PCSK5: variants seen among roughly 807,000 people sequenced by gnomAD.
PCSK5 encodes the protein prohormone convertase 5.
Under a neutral mutation model 233.2 loss-of-function variants are expected in PCSK5, and 129 were observed. That is an observed-to-expected ratio of 0.55 (90% CI 0.48 to 0.64). The LOEUF is 0.64. Ranked by LOEUF, PCSK5 falls within the 30% of genes least tolerant of loss-of-function variation. PCSK5 has a pLI of 0.00. For synonymous variants in PCSK5, 825 were observed against 879.2 expected, an observed-to-expected ratio of 0.94 and a Z score of 1.09; for missense variants, 2,076 against 2,430.1, an observed-to-expected ratio of 0.85 and a Z score of 3.06.
At chr9:76,209,878 T>C (rs975499495) in intron 20 of PCSK5, among the ~76,000 whole-genome samples, 6 of 152,158 alleles carry the variant, frequency 3.9e-5, no homozygotes, top group African/African-American at 1.4e-4. Flanking sequence ...TTCAGCTGCA[T>C]AATGATGTGG....
chr9:75,933,746 T>C (rs896843715), intron 2 of PCSK5, among the ~76,000 whole-genome samples: 1 of 152,208 alleles, frequency 6.6e-6, no homozygotes, highest in African/African-American at 2.4e-5. Flanking sequence ...ACACATTTTT[T>C]CCTTTGTCAC....
At chr9:76,237,236 G>A (rs1826278892) in intron 22 of PCSK5, among the ~76,000 whole-genome samples, 2 of 152,194 alleles carry the variant, frequency 1.3e-5, no homozygotes, top group Admixed American at 1.3e-4. Flanking sequence ...GCTCCACAAT[G>A]TTGATCGATA....
chr9:76,245,230 A>C (rs1052474366), intron 24 of PCSK5, among the ~76,000 whole-genome samples: 4 of 152,210 alleles, frequency 2.6e-5, no homozygotes, highest in Non-Finnish European at 5.9e-5. Flanking sequence ...ATAGTGGTTA[A>C]TGTGCCCTTG....
At chr9:76,339,630 C>T (rs1167892288) in intron 35 of PCSK5, among the ~76,000 whole-genome samples, 4 of 152,058 alleles carry the variant, frequency 2.6e-5, no homozygotes, top group Non-Finnish European at 4.4e-5. Context: ...CTGCAACCTC[C>T]GCCTCCCAGG....
chr9:76,179,311 A>T (rs1205284562), intron 14 of PCSK5, among the ~76,000 whole-genome samples: 1 of 152,122 alleles, frequency 6.6e-6, no homozygotes, highest in Non-Finnish European at 1.5e-5. Flanking sequence ...TTGAATTCTC[A>T]AATATTTATC....
chr9:76,100,963 T>C (rs1333849667), intron 8 of PCSK5, among the ~76,000 whole-genome samples: 1 of 152,168 alleles, frequency 6.6e-6, no homozygotes, highest in East Asian at 1.9e-4. Context: ...TATCACTTCA[T>C]TTTTGTCTCC....
intron 24 of PCSK5, among the ~76,000 whole-genome samples, chr9:76,260,893 T>A (rs62564579): frequency 0.085 from 13,005 of 152,296 alleles, 756 homozygotes; most frequent in Admixed American, 0.14. Context: ...GCTCAATAAA[T>A]GTGAGCATTT....
At chr9:75,986,690 T>C (rs537888475) in intron 3 of PCSK5, among the ~76,000 whole-genome samples, 43 of 152,200 alleles carry the variant, frequency 2.8e-4, no homozygotes, top group Non-Finnish European at 5.6e-4. Flanking sequence ...CCCAAAATTA[T>C]GTCATCTGAT....
intron 24 of PCSK5, among the ~76,000 whole-genome samples, chr9:76,280,058 C>T (rs1827819441): frequency 6.6e-6 from 1 of 152,094 alleles, no homozygotes; most frequent in Non-Finnish European, 1.5e-5. Context: ...CCTGTCTCTA[C>T]CACTCCTCCA....
chr9:76,086,222 T>C (rs889440692), intron 7 of PCSK5, among the ~76,000 whole-genome samples: 1 of 152,258 alleles, frequency 6.6e-6, no homozygotes, highest in African/African-American at 2.4e-5. Context: ...ATGGCAATGC[T>C]GGGATGGTGG....
intron 24 of PCSK5, among the ~76,000 whole-genome samples, chr9:76,257,505 G>A (rs1327843004): frequency 6.6e-6 from 1 of 152,166 alleles, no homozygotes; most frequent in Non-Finnish European, 1.5e-5. Context: ...CAACAGGAGG[G>A]TAATTTGGTA....
chr9:76,133,437 TC>T (rs1822842075), intron 9 of PCSK5, among the ~76,000 whole-genome samples: 1 of 152,050 alleles, frequency 6.6e-6, no homozygotes, highest in Non-Finnish European at 1.5e-5. Context: ...TCTTTTGTGT[TC>T]TTCAGTGCTA....
chr9:76,324,267 G>T (rs1829296381), intron 32 of PCSK5, among the ~76,000 whole-genome samples: 1 of 151,862 alleles, frequency 6.6e-6, no homozygotes, highest in Non-Finnish European at 1.5e-5. Flanking sequence ...GTCTCACTCT[G>T]TTGCCCAGGT....
chr9:75,924,577 G>A (rs1457968384), intron 1 of PCSK5, among the ~76,000 whole-genome samples: 2 of 152,064 alleles, frequency 1.3e-5, no homozygotes, highest in Non-Finnish European at 1.5e-5. Flanking sequence ...GTATAACCAG[G>A]TATGAAGGCC....
At chr9:76,184,599 C>T in intron 16 of PCSK5, 74 bp from the exon 17 acceptor site, 1 of 918,068 alleles carries the variant, frequency 1.1e-6, no homozygotes, top group Non-Finnish European at 1.7e-6. Flanking sequence ...CATTAGCAAG[C>T]ATTAGAACAT....
intron 34 of PCSK5, 116 bp from the exon 35 acceptor site, chr9:76,338,114 G>T (rs753325035): frequency 4.2e-5 from 29 of 687,460 alleles, no homozygotes; most frequent in Non-Finnish European, 6.4e-5. Flanking sequence ...AATGAGTAAG[G>T]TAAAGAGGCT....
At chr9:76,301,461 AAAGAG>A (rs1828598045) in intron 27 of PCSK5, among the ~76,000 whole-genome samples, 1 of 152,230 alleles carries the variant, frequency 6.6e-6, no homozygotes, top group Admixed American at 6.5e-5. Context: ...ACGATTTTAA[AAAGAG>A]AAGGGAACAA....
intron 12 of PCSK5, among the ~76,000 whole-genome samples, chr9:76,162,078 A>G (rs1417882014): frequency 1.3e-5 from 2 of 152,128 alleles, no homozygotes; most frequent in Non-Finnish European, 2.9e-5. Context: ...GGAGACCCCA[A>G]GAGATGTAAA....
intron 36 of PCSK5, among the ~76,000 whole-genome samples, chr9:76,352,040 C>A (rs2131525411): frequency 6.6e-6 from 1 of 152,212 alleles, no homozygotes; most frequent in South Asian, 2.1e-4. Flanking sequence ...GAATTCAGGG[C>A]AAATCCATAG....
Sources: allele counts gnomAD v4.1 joint callset (sites outside exome capture counted in the v4.1 genomes callset), GRCh38; gene constraint gnomAD v4.1.1; transcripts MANE v1.5; gene names NCBI Gene and HGNC (gene_info 2026-07-23, HGNC 2026-07-21).